C12orf42: variants seen among roughly 807,000 people sequenced by gnomAD.
C12orf42 encodes uncharacterized protein C12orf42.
C12orf42 carries 25 observed loss-of-function variants against 21.6 expected under a neutral mutation model. The ratio of observed to expected loss-of-function variants is 1.16; its 90% confidence interval spans 0.84 to 1.62. The LOEUF (loss-of-function observed/expected upper bound fraction) is 1.62, where lower values mean the gene tolerates loss of function less well. C12orf42 is among the 40% of genes most tolerant of loss of function. The pLI, the probability that C12orf42 is intolerant of heterozygous loss-of-function variation, is 0.00. For synonymous variants in C12orf42, 174 were observed against 175.0 expected, an observed-to-expected ratio of 0.99 and a Z score of 0.05; for missense variants, 483 against 459.3, an observed-to-expected ratio of 1.05 and a Z score of -0.47.
chr12:103,524,942 G>T, the C12orf42 span, among the ~76,000 whole-genome samples: 1 of 101,756 alleles, frequency 9.8e-6, no homozygotes, highest in South Asian at 4.0e-4. Flanking sequence ...TAAATTGGAA[G>T]TTGTTCTTTT....
At chr12:103,516,505 C>A in the C12orf42 span, among the ~76,000 whole-genome samples, 2 of 152,184 alleles carry the variant, frequency 1.3e-5, no homozygotes, top group African/African-American at 4.8e-5. Flanking sequence ...TTCCACATGG[C>A]TGGAGAGGCC....
At chr12:103,055,108 T>C in the C12orf42 span, among the ~76,000 whole-genome samples, 5 of 152,082 alleles carry the variant, frequency 3.3e-5, no homozygotes, top group East Asian at 9.6e-4. Flanking sequence ...CATTCCTTTC[T>C]CTTCTATTTT....
At chr12:103,556,587 A>G in the C12orf42 span, among the ~76,000 whole-genome samples, 7 of 152,136 alleles carry the variant, frequency 4.6e-5, no homozygotes, top group Non-Finnish European at 8.8e-5. Context: ...TTATGGAGAG[A>G]TCATGCAAAT....
In C12orf42 at chr12:103,478,417, CT is replaced by C; in HGVS notation, c.9del (p.Val4Ter). On this transcript the variant is annotated frameshift_variant, in exon 2 of 6. Transcript: ENST00000548883. ...TCTTCCCTTTGTTTCATACATATCA[CT>C]GTAGACATTAATTTGACAAGTTCAA... MSTVICMKQREEE... is the reference protein window; with the variant it reads MSXVICMKQREEE... The C allele has an allele frequency of 2.5e-6, 4 of 1,585,306 alleles. 1 individual carries two copies. The South Asian group carries it at 4.6e-5, about 18-fold the overall frequency.
chr12:103,095,395 C>T, the C12orf42 span, among the ~76,000 whole-genome samples: 1 of 152,188 alleles, frequency 6.6e-6, no homozygotes, highest in Non-Finnish European at 1.5e-5. Context: ...GGTCTCCTTG[C>T]TGCCCTTGAA....
chr12:103,303,544 C>T (rs1489062944), intron 5 of C12orf42, among the ~76,000 whole-genome samples: 1 of 152,068 alleles, frequency 6.6e-6, no homozygotes, highest in East Asian at 1.9e-4. Flanking sequence ...ATATTTGGAG[C>T]AACTCAGATC....
chr12:103,539,055 G>GTT, the C12orf42 span, among the ~76,000 whole-genome samples: 2 of 152,198 alleles, frequency 1.3e-5, no homozygotes, highest in South Asian at 4.1e-4. Context: ...CAAAAGTTCT[G>GTT]TTCTCTCTCA....
chr12:103,323,083 A>G (rs574690748), intron 4 of C12orf42, among the ~76,000 whole-genome samples: 10 of 152,344 alleles, frequency 6.6e-5, no homozygotes, highest in East Asian at 3.9e-4. Flanking sequence ...ACTGGGCTAT[A>G]AAGTACCTAG....
At chr12:103,512,993 C>G in the C12orf42 span, among the ~76,000 whole-genome samples, 716 of 149,762 alleles carry the variant, frequency 4.8e-3, 4 homozygotes, top group African/African-American at 0.016. Flanking sequence ...CAGAGTGAGA[C>G]TCCATATCAA....
chr12:103,261,991 T>G (rs1009008801), intron 10 of C12orf42, among the ~76,000 whole-genome samples: 5 of 152,242 alleles, frequency 3.3e-5, no homozygotes, highest in Non-Finnish European at 4.4e-5. Flanking sequence ...CTGTTGATTT[T>G]GCTGCCAGGA....
At chr12:103,358,810 G>A (rs2043816375) in intron 4 of C12orf42, among the ~76,000 whole-genome samples, 1 of 151,950 alleles carries the variant, frequency 6.6e-6, no homozygotes, top group Non-Finnish European at 1.5e-5. Context: ...TGAACTCCCT[G>A]CTTCCTCACT....
chr12:103,199,414 A>G, the C12orf42 span, among the ~76,000 whole-genome samples: 1 of 152,202 alleles, frequency 6.6e-6, no homozygotes, highest in Non-Finnish European at 1.5e-5. Flanking sequence ...TGTTGGCAAT[A>G]ATTTTTTTGG....
At chr12:103,490,087 G>A (rs1331186989) in intron 1 of C12orf42, among the ~76,000 whole-genome samples, 2 of 152,198 alleles carry the variant, frequency 1.3e-5, no homozygotes, top group Non-Finnish European at 2.9e-5. Context: ...TCTTGGAACA[G>A]GAACCCAAAC....
the C12orf42 span, among the ~76,000 whole-genome samples, chr12:103,177,852 T>C: frequency 7.9e-6 from 1 of 126,922 alleles, no homozygotes; most frequent in Non-Finnish European, 1.8e-5. Context: ...GCCGTGTGTG[T>C]GTGTTTGTGT....
chr12:103,343,870 T>A (rs1298035868), intron 4 of C12orf42, among the ~76,000 whole-genome samples: 1 of 152,134 alleles, frequency 6.6e-6, no homozygotes, highest in Non-Finnish European at 1.5e-5. Context: ...AATACCCCAA[T>A]TAAAACATGA....
chr12:103,201,348 A>G, the C12orf42 span, among the ~76,000 whole-genome samples: 2 of 152,180 alleles, frequency 1.3e-5, no homozygotes, highest in Non-Finnish European at 2.9e-5. Context: ...GGCTTTGTGA[A>G]GTGCTTGCTT....
chr12:103,081,501 A>G, the C12orf42 span: 1 of 151,908 alleles, frequency 6.6e-6, no homozygotes, highest in African/African-American at 2.4e-5. Flanking sequence ...TTGGTTTATT[A>G]TTTTTTGTTA....
the C12orf42 span, among the ~76,000 whole-genome samples, chr12:103,506,390 T>C: frequency 2.2e-4 from 31 of 141,792 alleles, no homozygotes; most frequent in Middle Eastern, 0.012. Context: ...TGAAAACATA[T>C]AAAGTCAGTT....
chr12:103,493,779 A>C lies in C12orf42; in HGVS notation c.-22+2123T>G, dbSNP rs1955338479. 2.0e-5 allele frequency among the ~76,000 whole-genome samples: 3 copies of C among 152,050 alleles called. No individual in the cohort carries two copies. The South Asian group carries it at 6.2e-4, about 32-fold the overall frequency. On this transcript the variant is annotated intron_variant, in intron 1 of 5. Coordinates refer to ENST00000548883, the MANE Select transcript of C12orf42 (RefSeq NM_198521.5). ...AAAAGGAGAAAAAGACAAGAAATTA[A>C]GAGGAAATACGCATGAAAGTATTAG...
Sources: gnomAD v4.1 joint callset for allele counts (sites outside exome capture counted in the v4.1 genomes callset) on GRCh38, gnomAD v4.1.1 for gene constraint, MANE v1.5 for transcripts, NCBI Gene and HGNC (gene_info 2026-07-23, HGNC 2026-07-21) for gene names.